CDH18: variants seen among roughly 807,000 people sequenced by gnomAD.
The protein encoded by CDH18 is cadherin 18.
In CDH18, 31 loss-of-function variants were observed where a neutral mutation model predicts 67.9. The observed-to-expected ratio is 0.46, with a 90% CI of 0.34 to 0.62. CDH18 has a LOEUF of 0.62. Ranked by LOEUF, CDH18 falls within the 20% of genes least tolerant of loss-of-function variation. The pLI is 0.01. For synonymous variants in CDH18, 362 were observed against 347.2 expected, an observed-to-expected ratio of 1.04 and a Z score of -0.48; for missense variants, 890 against 975.5, an observed-to-expected ratio of 0.91 and a Z score of 1.17.
chr5:19,560,215 A>C (rs759949512), intron 8 of CDH18, among the ~76,000 whole-genome samples: 3 of 152,138 alleles, frequency 2.0e-5, no homozygotes, highest in Non-Finnish European at 2.9e-5. Context: ...AGCAAGACTA[A>C]GCAAAAAGAA....
At chr5:20,033,929 A>G (rs1421587317) in intron 2 of CDH18, among the ~76,000 whole-genome samples, 1 of 152,056 alleles carries the variant, frequency 6.6e-6, no homozygotes, top group Non-Finnish European at 1.5e-5. Flanking sequence ...ATATTTCTTT[A>G]AAAAGCATCT....
At chr5:19,688,711 C>T (rs1761454913) in intron 5 of CDH18, among the ~76,000 whole-genome samples, 1 of 151,650 alleles carries the variant, frequency 6.6e-6, no homozygotes, top group South Asian at 2.1e-4. Context: ...TATGAAATGC[C>T]AGAAAAAAGA....
chr5:20,565,944 C>A (rs369819227), intron 1 of CDH18, among the ~76,000 whole-genome samples: 1 of 152,002 alleles, frequency 6.6e-6, no homozygotes, highest in East Asian at 1.9e-4. Context: ...TATGTTTTGT[C>A]ATCTTTTGTC....
chr5:19,510,047 A>G (rs751748012), intron 10 of CDH18, among the ~76,000 whole-genome samples: 86 of 152,296 alleles, frequency 5.6e-4, no homozygotes, highest in Admixed American at 2.6e-3. Flanking sequence ...TGATACGTTT[A>G]GATGTGCAGC....
intron 5 of CDH18, among the ~76,000 whole-genome samples, chr5:19,623,015 C>A (rs1337836687): frequency 6.6e-6 from 1 of 152,168 alleles, no homozygotes; most frequent in Non-Finnish European, 1.5e-5. Flanking sequence ...TTAAATCATA[C>A]TATATATTGT....
intron 4 of CDH18, among the ~76,000 whole-genome samples, chr5:19,741,725 T>C (rs1769239026): frequency 6.6e-6 from 1 of 152,212 alleles, no homozygotes; most frequent in Non-Finnish European, 1.5e-5. Context: ...TGTTTCTACT[T>C]TGACATTTTT....
chr5:19,923,033 T>C (rs1488379777), intron 2 of CDH18, among the ~76,000 whole-genome samples: 1 of 152,188 alleles, frequency 6.6e-6, no homozygotes, highest in Non-Finnish European at 1.5e-5. Flanking sequence ...CATCTATTTC[T>C]ATCCGGTCAG....
intron 3 of CDH18, among the ~76,000 whole-genome samples, chr5:19,830,817 C>A (rs1041104566): frequency 6.6e-6 from 1 of 151,998 alleles, no homozygotes; most frequent in Admixed American, 6.6e-5. Flanking sequence ...TGGATAATGA[C>A]CATGCGGCAC....
chr5:19,608,382 G>A (rs1748412982), intron 6 of CDH18, among the ~76,000 whole-genome samples: 1 of 151,244 alleles, frequency 6.6e-6, no homozygotes, highest in South Asian at 2.1e-4. Context: ...TATTTTGATG[G>A]GTCAAGGGAG....
At chr5:20,359,977 T>C (rs1741956425) in intron 1 of CDH18, among the ~76,000 whole-genome samples, 2 of 150,222 alleles carry the variant, frequency 1.3e-5, no homozygotes, top group African/African-American at 4.9e-5. Context: ...CAATACATTA[T>C]GCCACTTTAT....
At chr5:20,325,011 C>A (rs1738419046) in intron 1 of CDH18, among the ~76,000 whole-genome samples, 1 of 152,118 alleles carries the variant, frequency 6.6e-6, no homozygotes, top group African/African-American at 2.4e-5. Flanking sequence ...TTAAAAATTA[C>A]TTTCTCTGAG....
At chr5:19,762,071 C>A (rs564154294) in intron 3 of CDH18, among the ~76,000 whole-genome samples, 1 of 152,132 alleles carries the variant, frequency 6.6e-6, no homozygotes, top group African/African-American at 2.4e-5. Context: ...CCCTTCCTTG[C>A]ACCTTACACA....
chr5:20,440,802 A>T (rs1363063033), intron 1 of CDH18, among the ~76,000 whole-genome samples: 1 of 152,014 alleles, frequency 6.6e-6, no homozygotes, highest in Non-Finnish European at 1.5e-5. Flanking sequence ...TAGCATTGCT[A>T]GGCACCCTGC....
At chr5:19,694,460 C>A (rs1453286890) in intron 5 of CDH18, among the ~76,000 whole-genome samples, 1 of 152,082 alleles carries the variant, frequency 6.6e-6, no homozygotes, top group African/African-American at 2.4e-5. Flanking sequence ...TCTGCCAAGA[C>A]AATAAGAAAA....
chr5:19,816,026 C>T (rs1325056120), intron 3 of CDH18, among the ~76,000 whole-genome samples: 1 of 151,784 alleles, frequency 6.6e-6, no homozygotes, highest in African/African-American at 2.4e-5. Flanking sequence ...ACAGATACAC[C>T]ATAAATACAG....
chr5:19,865,497 G>A (rs1004451343), intron 2 of CDH18, among the ~76,000 whole-genome samples: 1 of 152,132 alleles, frequency 6.6e-6, no homozygotes, highest in Non-Finnish European at 1.5e-5. Flanking sequence ...AGCTGTGACA[G>A]GTGGGGGCGG....
chr5:20,241,905 T>TATATATATATATAA (rs369967608), intron 2 of CDH18, among the ~76,000 whole-genome samples: 2,440 of 141,392 alleles, frequency 0.017, 59 homozygotes, highest in African/African-American at 0.036. Context: ...TATATATATA[T>TATATATATATATAA]ATATTGCTTA....
intron 2 of CDH18, among the ~76,000 whole-genome samples, chr5:20,009,872 C>A (rs545554111): frequency 5.3e-5 from 8 of 152,096 alleles, no homozygotes; most frequent in African/African-American, 1.2e-4. Flanking sequence ...AAGATACATT[C>A]TTTATTTTTA....
chr5:20,094,562 G>A (rs1042474876), intron 2 of CDH18, among the ~76,000 whole-genome samples: 5 of 152,112 alleles, frequency 3.3e-5, no homozygotes, highest in African/African-American at 4.8e-5. Flanking sequence ...GCAGTATAGC[G>A]ATTTTCATGA....
Sources: allele counts gnomAD v4.1 joint callset (sites outside exome capture counted in the v4.1 genomes callset), GRCh38; gene constraint gnomAD v4.1.1; transcripts MANE v1.5; gene names NCBI Gene and HGNC (gene_info 2026-07-23, HGNC 2026-07-21).